Variants in GPHN observed in about 807,000 individuals in gnomAD.
GPHN encodes the protein gephyrin.
In GPHN, 17 loss-of-function variants were observed where a neutral mutation model predicts 95.5. The ratio of observed to expected loss-of-function variants is 0.18; its 90% CI spans 0.12 to 0.27. The LOEUF is 0.27. GPHN is among the 10% of genes least tolerant of loss of function. The pLI is 1.00. For synonymous variants in GPHN, 320 were observed against 322.5 expected (o/e 0.99, Z 0.08); for missense variants, 660 against 978.1 (o/e 0.67, Z 4.34).
chr14:66,613,895 C>G (rs1032073993), intron 1 of GPHN, among the ~76,000 whole-genome samples: 6 of 152,036 alleles, frequency 3.9e-5, no homozygotes, highest in Non-Finnish European at 5.9e-5. Context: ...CCAGTTGTTT[C>G]ATATATTCAT....
At chr14:66,578,779 G>C (rs1157996776) in intron 1 of GPHN, among the ~76,000 whole-genome samples, 2 of 148,450 alleles carry the variant, frequency 1.3e-5, no homozygotes, top group African/African-American at 5.0e-5. Context: ...AGACAAATAA[G>C]AACTGAGGAA....
intron 2 of GPHN, among the ~76,000 whole-genome samples, chr14:66,685,643 A>G (rs564935617): frequency 6.6e-6 from 1 of 152,166 alleles, no homozygotes; most frequent in African/African-American, 2.4e-5. Flanking sequence ...GATTCTGGAT[A>G]TTAGCCCTTT....
chr14:66,965,260 C>G lies in GPHN; in HGVS notation c.898C>G (p.Pro300Ala). The change falls in exon 9 of 23, where the codon CCT (proline) becomes GCT (alanine). Residue 300 changes from proline to alanine, a missense_variant. Coordinates refer to ENST00000478722, the MANE Select transcript of GPHN (RefSeq NM_020806.5). ...PRDTASLSTTPSESPRAQATS... is the reference protein window; with the variant it reads ...PRDTASLSTTASESPRAQATS... Reference sequence around the variant, plus strand: ...AGACACAGCCTCCCTCAGCACTACTCCTTCAGAATCGCCTCGTGCTCAGGC... The same window carrying G: ...AGACACAGCCTCCCTCAGCACTACTGCTTCAGAATCGCCTCGTGCTCAGGC... 1 of 1,612,682 alleles carries G rather than the reference C, an allele frequency of 6.2e-7. No individual in the cohort carries two copies. Among genetic ancestry groups the G allele is most frequent in the South Asian group, 1.1e-5 (1 of 91,058 alleles).
chr14:66,599,333 A>G (rs1481306560), intron 1 of GPHN, among the ~76,000 whole-genome samples: 8 of 118,956 alleles, frequency 6.7e-5, no homozygotes, highest in African/African-American at 2.5e-4. Flanking sequence ...CCCTTTTTGT[A>G]TATCTTTTTC....
chr14:67,326,614 C>T, the GPHN span, among the ~76,000 whole-genome samples: 2 of 151,992 alleles, frequency 1.3e-5, no homozygotes. Context: ...TTCTTATGCC[C>T]CTTTGAAGTT....
At chr14:67,582,486 A>G in the GPHN span, among the ~76,000 whole-genome samples, 3 of 152,042 alleles carry the variant, frequency 2.0e-5, no homozygotes, top group African/African-American at 7.2e-5. This position sits in a 1 kb window ranked among gnomAD's most constrained non-coding sequence, Gnocchi z 5.0. Flanking sequence ...AAGTCACTTC[A>G]CTTCTCTATG....
At chr14:66,970,854 T>A (rs571149276) in intron 9 of GPHN, among the ~76,000 whole-genome samples, 25 of 152,288 alleles carry the variant, frequency 1.6e-4, no homozygotes, top group Admixed American at 3.9e-4. Context: ...TGAACAAAAA[T>A]ATGTTTTCTT....
At chr14:67,341,379 G>A in the GPHN span, among the ~76,000 whole-genome samples, 2 of 151,972 alleles carry the variant, frequency 1.3e-5, no homozygotes, top group South Asian at 2.1e-4. Context: ...TCTGAGAAGT[G>A]AGGAGCCCCT....
chr14:66,632,526 C>T (rs1159103492), intron 1 of GPHN, among the ~76,000 whole-genome samples: 11 of 137,498 alleles, frequency 8.0e-5, no homozygotes, highest in Non-Finnish European at 1.6e-5. Context: ...TGGAGTTTTG[C>T]CCTGTCACCC....
intron 4 of GPHN, among the ~76,000 whole-genome samples, chr14:66,853,427 A>G (rs140821228): frequency 1.3e-5 from 2 of 152,318 alleles, no homozygotes; most frequent in African/African-American, 4.8e-5. Flanking sequence ...AAAGAGAGAC[A>G]TACCTGAGAC....
At chr14:67,586,908 T>C in the GPHN span, 2 of 1,535,500 alleles carry the variant, frequency 1.3e-6, no homozygotes, top group South Asian at 2.4e-5. Flanking sequence ...ACTGGGCCTC[T>C]GAACAGCACA....
At chr14:67,325,524 C>T in the GPHN span, among the ~76,000 whole-genome samples, 1 of 152,144 alleles carries the variant, frequency 6.6e-6, no homozygotes, top group African/African-American at 2.4e-5. Context: ...GCAGCATGGT[C>T]ACTGGCTGTT....
chr14:67,268,446 G>A, the GPHN span, among the ~76,000 whole-genome samples: 1 of 152,158 alleles, frequency 6.6e-6, no homozygotes, highest in Non-Finnish European at 1.5e-5. Context: ...GACAGTAAAG[G>A]AATGAAAGAA....
chr14:66,541,615 A>C (rs1447145674), intron 1 of GPHN, among the ~76,000 whole-genome samples: 3 of 152,212 alleles, frequency 2.0e-5, no homozygotes, highest in African/African-American at 2.4e-5. Flanking sequence ...AGAAATGTGA[A>C]AGTGATTTTG....
At chr14:67,225,733 C>T in the GPHN span, among the ~76,000 whole-genome samples, 1 of 152,144 alleles carries the variant, frequency 6.6e-6, no homozygotes, top group East Asian at 1.9e-4. Context: ...TCATAATCTG[C>T]ACAGCTGTAT....
At chr14:66,784,037 A>G (rs1165353808) in intron 3 of GPHN, among the ~76,000 whole-genome samples, 2 of 152,248 alleles carry the variant, frequency 1.3e-5, no homozygotes, top group African/African-American at 2.4e-5. Flanking sequence ...AACAGTCTAC[A>G]GACACCAACA....
chr14:66,525,001 T>C (rs1386599372), intron 1 of GPHN, among the ~76,000 whole-genome samples: 1 of 152,202 alleles, frequency 6.6e-6, no homozygotes, highest in Non-Finnish European at 1.5e-5. Flanking sequence ...TATAATCCTT[T>C]GGGTATATAC....
intron 2 of GPHN, among the ~76,000 whole-genome samples, chr14:66,708,852 T>C (rs2069348179): frequency 6.6e-6 from 1 of 152,152 alleles, no homozygotes; most frequent in Admixed American, 6.6e-5. Flanking sequence ...AGTACGGAGC[T>C]CAAAAGTCCC....
chr14:67,485,540 C>CAAA, the GPHN span, among the ~76,000 whole-genome samples: 2 of 152,068 alleles, frequency 1.3e-5, no homozygotes, highest in Non-Finnish European at 2.9e-5. Context: ...CTAGGAACTC[C>CAAA]AAAAAAAGCT....
Sources: allele counts gnomAD v4.1 joint callset (sites outside exome capture counted in the v4.1 genomes callset), GRCh38; gene constraint gnomAD v4.1.1; non-coding constraint Gnocchi (gnomAD v3.1); transcripts MANE v1.5; gene names NCBI Gene and HGNC (gene_info 2026-07-23, HGNC 2026-07-21).